The following POF1B variants were observed in gnomAD, a reference collection of about 807,000 sequenced individuals.
POF1B encodes protein POF1B.
A neutral mutation model predicts 55.3 loss-of-function variants in POF1B; 53 were observed. That is an observed-to-expected ratio of 0.96 (90% CI 0.77 to 1.20). The LOEUF is 1.20. Among genes scored for constraint, POF1B ranks in the 50% most tolerant of loss-of-function variants. The pLI is 0.00. For missense variants in POF1B, 478 were observed against 420.5 expected (o/e 1.14, Z -1.20); for synonymous variants, 188 against 148.3 (o/e 1.27, Z -1.95).
At chrX:85,340,869 A>G (rs1327526866) in intron 6 of POF1B, among the ~76,000 whole-genome samples, 1 of 111,463 alleles carries the variant, frequency 9.0e-6, no homozygotes, top group Non-Finnish European at 1.9e-5. Flanking sequence ...AGAATTAACA[A>G]TAGATACACA....
rs201807475 is a variant in POF1B at position 85,323,621 on chromosome X, T to TA, written c.854+7327dup. Among the ~76,000 whole-genome samples, 35 of 108,283 alleles carry TA rather than the reference T, an allele frequency of 3.2e-4. No homozygotes were observed. The East Asian group carries it at 4.1e-3, about 13-fold the overall frequency. 94.0% of individuals were successfully genotyped at this position (108,283 alleles called of 115,157 possible). ...AATAATAAAATAAAAAATAAAAAAA[T>TA]AAAAAAAAATGTCTATCTTTCTCAT... On this transcript the variant is annotated intron_variant, in intron 7 of 16. Transcript: ENST00000262753.
intron 7 of POF1B, among the ~76,000 whole-genome samples, chrX:85,318,780 G>A (rs1316371634): frequency 9.0e-6 from 1 of 111,638 alleles, no homozygotes; most frequent in Non-Finnish European, 1.9e-5. Context: ...TTGCCTTGTA[G>A]TAGAGTTTTA....
intron 7 of POF1B, among the ~76,000 whole-genome samples, chrX:85,323,632 G>T (rs908834311): frequency 1.8e-5 from 2 of 109,823 alleles, no homozygotes; most frequent in Admixed American, 9.7e-5. Flanking sequence ...AAAAAAAAAT[G>T]TCTATCTTTC....
intron 16 of POF1B, among the ~76,000 whole-genome samples, chrX:85,279,633 C>T (rs1249353283): frequency 9.0e-6 from 1 of 110,662 alleles, no homozygotes; most frequent in African/African-American, 3.3e-5. Context: ...TTTCAAATGA[C>T]TTTAAGCAAG....
chrX:85,367,303 C>T (rs73235957), intron 3 of POF1B, among the ~76,000 whole-genome samples: 140 of 111,332 alleles, frequency 1.3e-3, no homozygotes, highest in Middle Eastern at 9.4e-3. Flanking sequence ...AATCATACAC[C>T]TATAAGAAGA....
rs1267144944 is a variant in POF1B at position 85,330,932 on chromosome X, T to C, written c.854+17A>G. The C allele has an allele frequency of 3.5e-6, 4 of 1,144,345 alleles. No individual in the cohort carries two copies. The highest frequency in any genetic ancestry group is 4.6e-6 in the Non-Finnish European group (4 of 861,742). 94.3% of individuals were successfully genotyped at this position (1,144,345 alleles called of 1,213,427 possible). ...TTGGTAGCTACAACATCAAGGCAAATAATATGTTTACAGTACCTTCCTCCA... is the reference window on the plus strand; with the variant it reads ...TTGGTAGCTACAACATCAAGGCAAACAATATGTTTACAGTACCTTCCTCCA... On this transcript the variant is annotated intron_variant, in intron 7 of 16. Coordinates refer to ENST00000262753, the MANE Select transcript of POF1B (RefSeq NM_024921.4).
intron 6 of POF1B, among the ~76,000 whole-genome samples, chrX:85,334,038 C>G (rs1318883165): frequency 9.0e-6 from 1 of 110,834 alleles, no homozygotes; most frequent in Non-Finnish European, 1.9e-5. Flanking sequence ...ATTTCCTAAC[C>G]ATAAACTGTG....
intron 2 of POF1B, among the ~76,000 whole-genome samples, chrX:85,372,632 G>A (rs1341377522): frequency 9.4e-6 from 1 of 106,611 alleles, no homozygotes; most frequent in Non-Finnish European, 1.9e-5. Context: ...TAGGTGACGG[G>A]TTGATGGGTG....
chrX:85,367,092 C>T, intron 3 of POF1B, among the ~76,000 whole-genome samples: 1 of 111,139 alleles, frequency 9.0e-6, no homozygotes, highest in African/African-American at 3.3e-5. Context: ...CGTGTAACAA[C>T]AAACTTAGCG....
At chrX:85,318,827 T>C (rs181229232) in intron 7 of POF1B, among the ~76,000 whole-genome samples, 1 of 111,867 alleles carries the variant, frequency 8.9e-6, no homozygotes, top group Non-Finnish European at 1.9e-5. Flanking sequence ...TTGTTCTTTT[T>C]GCTTAGGATT....
intron 15 of POF1B, among the ~76,000 whole-genome samples, chrX:85,299,509 C>G (rs1932393501): frequency 9.7e-6 from 1 of 103,411 alleles, no homozygotes; most frequent in Admixed American, 1.0e-4. Flanking sequence ...AGGATGGTCT[C>G]GATCTCCTGA....
At chrX:85,343,766 C>G (rs1390152229) in intron 6 of POF1B, among the ~76,000 whole-genome samples, 1 of 110,582 alleles carries the variant, frequency 9.0e-6, no homozygotes, top group East Asian at 2.9e-4. Flanking sequence ...TCACCAATAC[C>G]TTCCCTGTGG....
intron 6 of POF1B, among the ~76,000 whole-genome samples, chrX:85,331,540 T>A (rs1932979275): frequency 9.0e-6 from 1 of 111,587 alleles, no homozygotes; most frequent in African/African-American, 3.2e-5. Flanking sequence ...CAAATCAGGA[T>A]AATAGCATAT....
intron 6 of POF1B, among the ~76,000 whole-genome samples, chrX:85,339,905 G>A (rs1364508189): frequency 1.8e-5 from 2 of 111,103 alleles, no homozygotes; most frequent in African/African-American, 6.5e-5. Flanking sequence ...TGGTCCCTGG[G>A]CCAGTAAAGT....
chrX:85,359,834 C>T (rs1199887180), intron 3 of POF1B, among the ~76,000 whole-genome samples: 6 of 110,978 alleles, frequency 5.4e-5, no homozygotes, highest in Admixed American at 1.9e-4. Context: ...ACTGGGTACT[C>T]GTATTATACT....
chrX:85,311,568 C>T (rs777916056), intron 9 of POF1B, among the ~76,000 whole-genome samples: 1 of 111,623 alleles, frequency 9.0e-6, no homozygotes, highest in Non-Finnish European at 1.9e-5. Flanking sequence ...TGCGTATGTC[C>T]CACATTATCT....
chrX:85,320,819 C>T (rs1932829869), intron 7 of POF1B, among the ~76,000 whole-genome samples: 1 of 111,471 alleles, frequency 9.0e-6, no homozygotes, highest in Non-Finnish European at 1.9e-5. Flanking sequence ...AACACCTCTA[C>T]ACAAATAAAC....
At chrX:85,307,884 T>A (rs1394590182) in intron 10 of POF1B, among the ~76,000 whole-genome samples, 1 of 111,973 alleles carries the variant, frequency 8.9e-6, no homozygotes, top group Non-Finnish European at 1.9e-5. Flanking sequence ...AGCATTAAAT[T>A]GCCTTAGTGG....
rs1157540929 is a variant in POF1B at position 85,307,398 on chromosome X, A to C, written c.1051-122T>G. 7.1e-6 allele frequency: 3 copies of C among 422,298 alleles called. No individual in the cohort carries two copies. In the African/African-American group the frequency reaches 7.6e-5, roughly 11 times the overall value. 34.8% of individuals were successfully genotyped at this position (422,298 alleles called of 1,213,427 possible). ...CTTGTTTCATTTGTACTTGCTTAAT[A>C]AAGCAGAATTCTTAAAAGTTAAGAA... is the stretch of plus-strand genomic sequence containing the variant. On this transcript the variant is annotated intron_variant, in intron 10 of 16. Transcript: ENST00000262753.
Sources: gnomAD v4.1 joint callset for allele counts (sites outside exome capture counted in the v4.1 genomes callset) on GRCh38, gnomAD v4.1.1 for gene constraint, MANE v1.5 for transcripts, NCBI Gene and HGNC (gene_info 2026-07-23, HGNC 2026-07-21) for gene names.